ARHGEF6: variants seen among roughly 807,000 people sequenced by gnomAD.
The protein encoded by ARHGEF6 is Rac/Cdc42 guanine nucleotide exchange factor 6, also known as rho guanine nucleotide exchange factor 6.
A neutral mutation model predicts 70.3 loss-of-function variants in ARHGEF6; 9 were observed. The observed-to-expected ratio is 0.13, with a 90% CI of 0.08 to 0.22. The LOEUF (loss-of-function observed/expected upper bound fraction) is 0.22. Ranked by LOEUF, ARHGEF6 falls within the 10% of genes least tolerant of loss-of-function variation. ARHGEF6 has a pLI of 1.00. For synonymous variants in ARHGEF6, 201 were observed against 207.8 expected, an observed-to-expected ratio of 0.97 and a Z score of 0.28; for missense variants, 470 against 563.0, an observed-to-expected ratio of 0.83 and a Z score of 1.67.
chrX:136,767,285 G>C (rs1454926355), intron 2 of ARHGEF6: 1 of 753,562 alleles, frequency 1.3e-6, no homozygotes, highest in Non-Finnish European at 1.6e-6. Context: ...TGCGGGAACA[G>C]ATCAACCCAG....
chrX:136,751,089 A>C, intron 2 of ARHGEF6, among the ~76,000 whole-genome samples: 1 of 111,662 alleles, frequency 9.0e-6, no homozygotes, highest in Non-Finnish European at 1.9e-5. Context: ...CACCTACCTC[A>C]GCCTGCTAAA....
At chrX:136,669,855 C>G (rs925252306) in intron 20 of ARHGEF6, among the ~76,000 whole-genome samples, 3 of 112,123 alleles carry the variant, frequency 2.7e-5, no homozygotes, top group African/African-American at 9.7e-5. Flanking sequence ...CTTTTTCTAG[C>G]TTTGTTGAGG....
Position 136,773,108 on chromosome X carries a change from G to A in ARHGEF6, c.249+6306C>T, listed in dbSNP as rs1048563750. Among the ~76,000 whole-genome samples, 3 of 111,135 alleles carry A rather than the reference G, an allele frequency of 2.7e-5. No individual in the cohort carries two copies. The Admixed American group carries it at 2.9e-4, about 11-fold the overall frequency. On this transcript the variant is annotated intron_variant, in intron 2 of 21. Transcript: ENST00000250617. ...AGAAGGCAACAGCTTTTTTAATGTC[G>A]TCACCATGCCCCAGAGCCCAGTACT...
chrX:136,703,813 C>T (rs1014834725), intron 9 of ARHGEF6, among the ~76,000 whole-genome samples: 7 of 113,046 alleles, frequency 6.2e-5, no homozygotes, highest in Non-Finnish European at 9.4e-5. Flanking sequence ...TGAGCCACCA[C>T]GCCCAGCCAA....
chrX:136,750,487 C>A (rs1412053847), intron 2 of ARHGEF6, among the ~76,000 whole-genome samples: 1 of 111,698 alleles, frequency 9.0e-6, no homozygotes, highest in Non-Finnish European at 1.9e-5. Flanking sequence ...TTTCTTTATA[C>A]CTATTTTGGT....
intron 2 of ARHGEF6, among the ~76,000 whole-genome samples, chrX:136,748,044 G>A (rs1196060830): frequency 1.8e-5 from 2 of 111,996 alleles, no homozygotes; most frequent in South Asian, 3.7e-4. Flanking sequence ...TTTATTAGCT[G>A]TGCCTAGTTG....
At chrX:136,777,761 T>TACAC (rs376800070) in intron 2 of ARHGEF6, among the ~76,000 whole-genome samples, 66 of 98,509 alleles carry the variant, frequency 6.7e-4, no homozygotes, top group East Asian at 5.3e-3. Flanking sequence ...TATGTATACA[T>TACAC]ACACACACAC....
chrX:136,747,419 A>G (rs2077104838), intron 3 of ARHGEF6, 89 bp downstream of exon 3: 1 of 874,249 alleles, frequency 1.1e-6, no homozygotes. Flanking sequence ...CACGAGAACA[A>G]TCCTGGCCAG....
At chrX:136,747,322 G>A (rs747352918) in intron 3 of ARHGEF6, among the ~76,000 whole-genome samples, 186 bp downstream of exon 3, 24 of 111,083 alleles carry the variant, frequency 2.2e-4, no homozygotes, top group Non-Finnish European at 3.2e-4. Context: ...ATCTATGATA[G>A]GTATATTTTA....
intron 11 of ARHGEF6, among the ~76,000 whole-genome samples, chrX:136,686,279 C>A (rs1452755691): frequency 9.1e-6 from 1 of 110,285 alleles, no homozygotes; most frequent in Non-Finnish European, 1.9e-5. Flanking sequence ...CAATTTTCAA[C>A]AAGGTAACAT....
At chrX:136,713,204 A>G (rs2076704637) in intron 7 of ARHGEF6, 72 bp downstream of exon 7, 1 of 869,941 alleles carries the variant, frequency 1.1e-6, no homozygotes, top group African/African-American at 2.0e-5. Context: ...ATTCAGTGAC[A>G]TAAGAATAAT....
chrX:136,751,067 C>A (rs915981436), intron 2 of ARHGEF6, among the ~76,000 whole-genome samples: 2 of 111,565 alleles, frequency 1.8e-5, no homozygotes, highest in African/African-American at 6.5e-5. Context: ...AAACTCCTGA[C>A]CTCAAGTGAG....
intron 20 of ARHGEF6, 74 bp from the exon 21 acceptor site, chrX:136,669,610 C>G: frequency 2.3e-6 from 2 of 861,506 alleles, no homozygotes; most frequent in Non-Finnish European, 3.4e-6. Flanking sequence ...ACAATAAAAG[C>G]CACTTTATAA....
At chrX:136,686,597 T>TATATATATATATATATATATATATGCAC (rs2076391379) in intron 11 of ARHGEF6, among the ~76,000 whole-genome samples, 1 of 62,480 alleles carries the variant, frequency 1.6e-5, no homozygotes, top group Non-Finnish European at 2.6e-5. Flanking sequence ...TGTGTGTGTA[T>TATATATATATATATATATATATATGCAC]ATATATATAT....
At chrX:136,710,288 G>A (rs1055415444) in intron 7 of ARHGEF6, among the ~76,000 whole-genome samples, 8 of 101,121 alleles carry the variant, frequency 7.9e-5, no homozygotes, top group Non-Finnish European at 1.2e-4. Context: ...TGGGGGTGGA[G>A]TGTATTGTAT....
intron 13 of ARHGEF6, among the ~76,000 whole-genome samples, chrX:136,682,211 C>T (rs981500540): frequency 3.6e-5 from 4 of 112,055 alleles, no homozygotes; most frequent in Non-Finnish European, 7.5e-5. Context: ...AAGCAGTTTA[C>T]TTTTCTAACA....
At chrX:136,746,462 G>A (rs977655671) in intron 3 of ARHGEF6, among the ~76,000 whole-genome samples, 3 of 111,678 alleles carry the variant, frequency 2.7e-5, no homozygotes, top group Non-Finnish European at 3.8e-5. Context: ...ATAATTACTC[G>A]ATAGCTTCCT....
At position 136,682,832 on chromosome X, in the gene ARHGEF6, G is replaced by A. The variant is rs147323188; in HGVS notation, c.1405C>T (p.Arg469Trp). ...ACATTTGAAAATAACATAAGGTACC[G>A]CTCCTCTTTTTCCTGAGAGGGAATG... is the stretch of plus-strand genomic sequence containing the variant. The part of the protein sequence containing the change: ...QYGACEEKEE[R>W]YLMLFSNVLI... Residue 469 changes from arginine (R) to tryptophan (W), a missense_variant, in exon 13 of 22, where the codon CGG becomes TGG. By Grantham distance (101) the Arg-to-Trp change is moderately radical. Transcript: ENST00000250617. The A allele has an allele frequency of 2.1e-5, 25 of 1,202,101 alleles. No homozygotes were observed. Among genetic ancestry groups the A allele is most frequent in the South Asian group, 3.5e-5 (2 of 56,732 alleles).
chrX:136,736,291 T>G (rs972260226), intron 5 of ARHGEF6, among the ~76,000 whole-genome samples: 1 of 112,253 alleles, frequency 8.9e-6, no homozygotes, highest in Admixed American at 9.4e-5. Flanking sequence ...GAAAATTGTA[T>G]AAGTGGCTAA....
Sources: allele counts gnomAD v4.1 joint callset (sites outside exome capture counted in the v4.1 genomes callset), GRCh38; gene constraint gnomAD v4.1.1; transcripts MANE v1.5; gene names NCBI Gene and HGNC (gene_info 2026-07-23, HGNC 2026-07-21).